The following TMEM131 variants were observed in gnomAD, a reference collection of about 807,000 sequenced individuals.
TMEM131 encodes transmembrane protein 131.
A neutral mutation model predicts 211.6 loss-of-function variants in TMEM131; 66 were observed. The ratio of observed to expected loss-of-function variants is 0.31; its 90% CI spans 0.26 to 0.38. The LOEUF (loss-of-function observed/expected upper bound fraction) is 0.38. TMEM131 is among the 10% of genes least tolerant of loss of function. TMEM131 has a pLI of 1.00. For synonymous variants in TMEM131, 844 were observed against 841.3 expected, an observed-to-expected ratio of 1.00 and a Z score of -0.06; for missense variants, 2,036 against 2,299.3, an observed-to-expected ratio of 0.89 and a Z score of 2.34.
chr2:97,900,726 T>C (rs955229747), intron 3 of TMEM131, among the ~76,000 whole-genome samples: 1 of 152,146 alleles, frequency 6.6e-6, no homozygotes. Context: ...CTTGTATATA[T>C]ACCTAGTTAT....
intron 5 of TMEM131, among the ~76,000 whole-genome samples, chr2:97,853,922 G>GCT (rs1369815239): frequency 6.6e-6 from 1 of 152,222 alleles, no homozygotes; most frequent in Non-Finnish European, 1.5e-5. Context: ...CTGTGAATAT[G>GCT]CTGACAATGA....
At chr2:97,837,213 G>T (rs902302713) in intron 7 of TMEM131, 56 bp from the exon 8 acceptor site, 4 of 1,312,516 alleles carry the variant, frequency 3.0e-6, no homozygotes, top group South Asian at 1.4e-5. Context: ...CAAAGCAGGT[G>T]ACTTGCTATT....
intron 1 of TMEM131, among the ~76,000 whole-genome samples, chr2:97,941,433 A>G (rs1324497637): frequency 6.6e-6 from 1 of 152,234 alleles, no homozygotes; most frequent in African/African-American, 2.4e-5. Context: ...TCATGACTAA[A>G]ACACCAAAAG....
chr2:97,869,028 C>T (rs1212692123), intron 4 of TMEM131, among the ~76,000 whole-genome samples: 4 of 152,160 alleles, frequency 2.6e-5, no homozygotes, highest in South Asian at 2.1e-4. Flanking sequence ...TAGACATTTA[C>T]GTAGAAAACA....
intron 5 of TMEM131, among the ~76,000 whole-genome samples, chr2:97,848,921 A>C (rs1360659326): frequency 6.6e-6 from 1 of 152,210 alleles, no homozygotes; most frequent in Non-Finnish European, 1.5e-5. Flanking sequence ...TATCTCAAGA[A>C]AGACTTGTAT....
chr2:97,922,741 C>T (rs1676797570), intron 2 of TMEM131, among the ~76,000 whole-genome samples: 1 of 152,000 alleles, frequency 6.6e-6, no homozygotes, highest in African/African-American at 2.4e-5. Context: ...AAATGGCTAA[C>T]TTTATGGGTA....
At chr2:97,915,362 C>T (rs1026972043) in intron 2 of TMEM131, among the ~76,000 whole-genome samples, 1 of 152,076 alleles carries the variant, frequency 6.6e-6, no homozygotes, top group East Asian at 1.9e-4. Flanking sequence ...GCTCTGTTGC[C>T]CAGGCTGGAG....
intron 37 of TMEM131, 23 bp from the exon 38 acceptor site, chr2:97,760,712 A>G (rs562545164): frequency 1.2e-6 from 2 of 1,613,988 alleles, no homozygotes; most frequent in South Asian, 1.1e-5. Context: ...ACGTTCAATC[A>G]ATGGAAGGCA....
At chr2:97,891,663 A>C (rs907896943) in intron 3 of TMEM131, among the ~76,000 whole-genome samples, 2 of 152,184 alleles carry the variant, frequency 1.3e-5, no homozygotes, top group African/African-American at 4.8e-5. Flanking sequence ...CAAATCAAAC[A>C]TATGGGCTTC....
chr2:97,831,497 T>C (rs565023932), intron 11 of TMEM131, among the ~76,000 whole-genome samples: 4 of 152,198 alleles, frequency 2.6e-5, no homozygotes, highest in African/African-American at 9.6e-5. Context: ...GCTTTGGATA[T>C]TATAAAAGAT....
At chr2:97,893,361 T>A (rs547424740) in intron 3 of TMEM131, among the ~76,000 whole-genome samples, 1 of 152,330 alleles carries the variant, frequency 6.6e-6, no homozygotes, top group African/African-American at 2.4e-5. Context: ...CATGTGTGCA[T>A]GTGTCTTTAT....
intron 1 of TMEM131, among the ~76,000 whole-genome samples, chr2:97,989,058 G>A (rs182863226): frequency 6.6e-6 from 1 of 152,184 alleles, no homozygotes; most frequent in East Asian, 1.9e-4. Flanking sequence ...TCCATACAAT[G>A]GAATATAATT....
chr2:97,934,427 T>C (rs1442562409), intron 1 of TMEM131, among the ~76,000 whole-genome samples: 2 of 152,244 alleles, frequency 1.3e-5, no homozygotes, highest in African/African-American at 4.8e-5. Flanking sequence ...AGACTCAAAA[T>C]GTAAAGATGT....
intron 3 of TMEM131, among the ~76,000 whole-genome samples, chr2:97,901,188 T>C (rs956439738): frequency 6.6e-6 from 1 of 152,172 alleles, no homozygotes; most frequent in African/African-American, 2.4e-5. Context: ...TGCTCATATA[T>C]AGGACAGTGG....
chr2:97,815,741 G>A (rs976125206), intron 12 of TMEM131, among the ~76,000 whole-genome samples: 1 of 152,144 alleles, frequency 6.6e-6, no homozygotes, highest in African/African-American at 2.4e-5. Flanking sequence ...TAGCATCCCT[G>A]CAGCTGTGAC....
chr2:97,772,052 A>T (rs1246575183), intron 33 of TMEM131, among the ~76,000 whole-genome samples: 1 of 152,240 alleles, frequency 6.6e-6, no homozygotes, highest in African/African-American at 2.4e-5. Context: ...CTAAATTTTT[A>T]TAACAGATCG....
intron 1 of TMEM131, among the ~76,000 whole-genome samples, chr2:97,974,622 A>G (rs1679451405): frequency 6.6e-6 from 1 of 152,098 alleles, no homozygotes. Flanking sequence ...GACATGTTAT[A>G]TACAGAGGAA....
chr2:97,889,282 T>C (rs1361838442), intron 3 of TMEM131, among the ~76,000 whole-genome samples: 6 of 152,156 alleles, frequency 3.9e-5, no homozygotes, highest in Non-Finnish European at 8.8e-5. Flanking sequence ...AAAAGTAAGA[T>C]TATATTTTAC....
intron 11 of TMEM131, among the ~76,000 whole-genome samples, chr2:97,822,259 C>T (rs776220938): frequency 6.6e-6 from 1 of 152,144 alleles, no homozygotes; most frequent in Non-Finnish European, 1.5e-5. Flanking sequence ...AAAGCCCCTT[C>T]GAGGGCAGGG....
Sources: gnomAD v4.1 joint callset for allele counts (sites outside exome capture counted in the v4.1 genomes callset) on GRCh38, gnomAD v4.1.1 for gene constraint, MANE v1.5 for transcripts, NCBI Gene and HGNC (gene_info 2026-07-23, HGNC 2026-07-21) for gene names.